NELL1: variants seen among roughly 807,000 people sequenced by gnomAD.
The protein encoded by NELL1 is protein kinase C-binding protein NELL1.
In NELL1, 76 loss-of-function variants were observed where a neutral mutation model predicts 107.4. That is an observed-to-expected ratio of 0.71 (90% confidence interval 0.59 to 0.86). NELL1 has a LOEUF of 0.86. NELL1 is among the 40% of genes least tolerant of loss of function. NELL1 has a pLI of 0.00. For synonymous variants in NELL1, 353 were observed against 341.2 expected, an observed-to-expected ratio of 1.03 and a Z score of -0.38; for missense variants, 1,024 against 1,005.5, an observed-to-expected ratio of 1.02 and a Z score of -0.25.
chr11:21,157,586 C>A (rs1856271849), intron 13 of NELL1, among the ~76,000 whole-genome samples: 1 of 152,142 alleles, frequency 6.6e-6, no homozygotes, highest in South Asian at 2.1e-4. Context: ...ATGAAAACTG[C>A]AGTCTTAAAT....
intron 4 of NELL1, among the ~76,000 whole-genome samples, chr11:20,849,656 T>A (rs1271199828): frequency 1.3e-5 from 2 of 152,188 alleles, no homozygotes; most frequent in Non-Finnish European, 2.9e-5. Flanking sequence ...ATGTAAGATC[T>A]TGGAGGGAAA....
chr11:21,233,759 C>T (rs939768262), intron 14 of NELL1, among the ~76,000 whole-genome samples: 9 of 152,184 alleles, frequency 5.9e-5, no homozygotes, highest in Non-Finnish European at 1.5e-5. Context: ...AATGCCAAAA[C>T]AGAAAGTGAG....
At position 20,735,258 on chromosome 11, in the gene NELL1, G is replaced by A. The variant is rs953703722; in HGVS notation, c.185-48422G>A. 3.6e-4 allele frequency among the ~76,000 whole-genome samples: 54 copies of A among 152,080 alleles called. 2 individuals carry two copies. ...CTTGGGAAAGATGAGGATTTTATTA[G>A]TCCATTCTCATGCTACTATAAAGAA... is the stretch of plus-strand genomic sequence containing the variant. On this transcript the variant is annotated intron_variant, in intron 2 of 19. Transcript: ENST00000357134.
chr11:20,785,125 A>T (rs1209046555), intron 3 of NELL1, among the ~76,000 whole-genome samples: 2 of 152,208 alleles, frequency 1.3e-5, no homozygotes, highest in Non-Finnish European at 2.9e-5. Context: ...AGGTGAAGAA[A>T]TATAGAGAAA....
At chr11:20,810,717 C>G (rs772307915) in intron 3 of NELL1, among the ~76,000 whole-genome samples, 3 of 152,072 alleles carry the variant, frequency 2.0e-5, no homozygotes, top group Non-Finnish European at 4.4e-5. Context: ...ACCTCTTTTC[C>G]TCTGGGTAGA....
At chr11:21,507,151 T>C (rs1448276411) in intron 15 of NELL1, among the ~76,000 whole-genome samples, 1 of 152,232 alleles carries the variant, frequency 6.6e-6, no homozygotes, top group Non-Finnish European at 1.5e-5. Flanking sequence ...ACTGCTGAAC[T>C]CCTTCAATCA....
intron 5 of NELL1, among the ~76,000 whole-genome samples, chr11:20,895,862 C>T (rs1849725579): frequency 6.6e-6 from 1 of 152,068 alleles, no homozygotes; most frequent in Non-Finnish European, 1.5e-5. Context: ...ACCTCCAGTT[C>T]CATCCGTGTT....
chr11:21,146,960 C>T (rs981948618), intron 13 of NELL1, among the ~76,000 whole-genome samples: 20 of 152,166 alleles, frequency 1.3e-4, no homozygotes, highest in Non-Finnish European at 2.8e-4. Context: ...AGGAGAATTG[C>T]TTGAACCCAG....
chr11:21,286,969 G>T (rs931599757), intron 14 of NELL1, among the ~76,000 whole-genome samples: 1 of 152,152 alleles, frequency 6.6e-6, no homozygotes, highest in Non-Finnish European at 1.5e-5. Flanking sequence ...TAGGGTTGTT[G>T]GAAAGACGGA....
chr11:21,451,077 C>T (rs1853566267), intron 15 of NELL1, among the ~76,000 whole-genome samples: 1 of 150,818 alleles, frequency 6.6e-6, no homozygotes, highest in South Asian at 2.1e-4. Flanking sequence ...GTCCCAGCTA[C>T]TCAGGAGGCT....
At chr11:21,197,046 A>G (rs1399362103) in intron 13 of NELL1, among the ~76,000 whole-genome samples, 1 of 150,938 alleles carries the variant, frequency 6.6e-6, no homozygotes, top group Non-Finnish European at 1.5e-5. Flanking sequence ...TAATTTTTGT[A>G]TTTTTATTAG....
At chr11:20,721,651 G>A (rs1034358149) in intron 2 of NELL1, among the ~76,000 whole-genome samples, 1 of 152,282 alleles carries the variant, frequency 6.6e-6, no homozygotes, top group East Asian at 1.9e-4. Flanking sequence ...CTAGGGAGGG[G>A]CAGCAAATAT....
At chr11:21,527,849 G>A (rs1465213826) in intron 15 of NELL1, among the ~76,000 whole-genome samples, 1 of 152,160 alleles carries the variant, frequency 6.6e-6, no homozygotes, top group Non-Finnish European at 1.5e-5. Context: ...GGCCAGTCTA[G>A]TCCTTCCACG....
rs1219384032 is a variant in NELL1 at position 21,353,653 on chromosome 11, C to T, written c.1550-17200C>T. 2.6e-5 allele frequency among the ~76,000 whole-genome samples: 4 copies of T among 152,164 alleles called. No homozygotes were observed. In the East Asian group the frequency reaches 7.7e-4, roughly 29 times the overall value. ...GTGCAGCATGAAAGCAGCTATTAAT[C>T]AGACACGCTCGCTTAAGAGGACCCT... On this transcript the variant is annotated intron_variant, in intron 14 of 19. Coordinates refer to ENST00000357134, the MANE Select transcript of NELL1 (RefSeq NM_006157.5).
At chr11:21,573,063 A>G (rs1191154631) in intron 18 of NELL1, 122 bp from the exon 19 acceptor site, 7 of 729,316 alleles carry the variant, frequency 9.6e-6, no homozygotes, top group East Asian at 2.7e-5. Context: ...TTTATCCTCA[A>G]TGGTGTCAAC....
intron 3 of NELL1, among the ~76,000 whole-genome samples, chr11:20,793,513 C>T (rs1857113760): frequency 6.6e-6 from 1 of 151,812 alleles, no homozygotes; most frequent in South Asian, 2.1e-4. Context: ...TACTTCTTAC[C>T]TTATGTTGGA....
chr11:21,403,080 T>TGTTA (rs1181356341), intron 15 of NELL1, among the ~76,000 whole-genome samples: 1 of 151,764 alleles, frequency 6.6e-6, no homozygotes, highest in Non-Finnish European at 1.5e-5. Flanking sequence ...CTGAGGTGGA[T>TGTTA]GTTACATTGT....
At chr11:21,168,266 T>C (rs957416775) in intron 13 of NELL1, among the ~76,000 whole-genome samples, 4 of 151,796 alleles carry the variant, frequency 2.6e-5, no homozygotes, top group Admixed American at 2.0e-4. Context: ...ATTTACTATC[T>C]CCTCCAGGCA....
At chr11:20,735,179 G>T (rs1351639740) in intron 2 of NELL1, among the ~76,000 whole-genome samples, 2 of 152,104 alleles carry the variant, frequency 1.3e-5, no homozygotes, top group Non-Finnish European at 2.9e-5. Context: ...GTGAGCAGTC[G>T]GGTCAAATGC....
Sources: allele counts gnomAD v4.1 joint callset (sites outside exome capture counted in the v4.1 genomes callset), GRCh38; gene constraint gnomAD v4.1.1; transcripts MANE v1.5; gene names NCBI Gene and HGNC (gene_info 2026-07-23, HGNC 2026-07-21).